The following SLC25A40 variants were observed in gnomAD, a reference collection of about 807,000 sequenced individuals.
SLC25A40 encodes mitochondrial glutathione transporter SLC25A40.
A neutral mutation model predicts 46.5 loss-of-function variants in SLC25A40; 41 were observed. That is an observed-to-expected ratio of 0.88 (90% CI 0.69 to 1.14). The LOEUF is 1.14. Among genes scored for constraint, SLC25A40 ranks in the 50% most tolerant of loss-of-function variants. The pLI is 0.00. For missense variants in SLC25A40, 386 were observed against 393.6 expected (o/e 0.98, Z 0.16); for synonymous variants, 126 against 127.5 (o/e 0.99, Z 0.08).
chr7:87,845,745 A>G (rs752227816), intron 8 of SLC25A40, among the ~76,000 whole-genome samples: 1 of 152,210 alleles, frequency 6.6e-6, no homozygotes, highest in Non-Finnish European at 1.5e-5. Context: ...ATGAATGCCA[A>G]TGAAACAGTG....
intron 10 of SLC25A40, among the ~76,000 whole-genome samples, chr7:87,841,009 CAG>C (rs1838323501): frequency 1.3e-5 from 2 of 151,372 alleles, no homozygotes; most frequent in South Asian, 4.1e-4. Context: ...TAAATGATGA[CAG>C]AGGGATCCTA....
chr7:87,860,260 T>G (rs2131014391), intron 2 of SLC25A40: 1 of 152,280 alleles, frequency 6.6e-6, no homozygotes, highest in Non-Finnish European at 1.5e-5. Context: ...CCAGAAAGCT[T>G]GGATCAATCT....
chr7:87,845,076 C>A lies in SLC25A40; in HGVS notation c.632-1213G>T, dbSNP rs1838391378. Reference sequence around the variant, plus strand: ...AAGGCTACAGTAAGCCGTGACTGTGCCACTGCACTCCAGCCTGGGCAACAG... The same window carrying A: ...AAGGCTACAGTAAGCCGTGACTGTGACACTGCACTCCAGCCTGGGCAACAG... On this transcript the variant is annotated intron_variant, in intron 8 of 11. Transcript: ENST00000341119. 2.0e-5 allele frequency among the ~76,000 whole-genome samples: 3 copies of A among 152,096 alleles called. No individual in the cohort carries two copies. The East Asian group carries it at 5.8e-4, about 29-fold the overall frequency.
At chr7:87,856,482 A>C (rs1838617713) in intron 3 of SLC25A40, 131 bp from the exon 4 acceptor site, 2 of 812,504 alleles carry the variant, frequency 2.5e-6, no homozygotes, top group Non-Finnish European at 4.3e-6. Flanking sequence ...TATTTATCTT[A>C]AAGTAGTCTT....
intron 1 of SLC25A40, among the ~76,000 whole-genome samples, chr7:87,873,428 A>AATTT (rs1838924488): frequency 2.1e-5 from 3 of 142,282 alleles, no homozygotes; most frequent in Admixed American, 6.9e-5. Flanking sequence ...AGAAAGGTTA[A>AATTT]CTTTTTTTTT....
At chr7:87,836,640 C>T in intron 11 of SLC25A40, 90 bp downstream of exon 11, 3 of 739,480 alleles carry the variant, frequency 4.1e-6, no homozygotes, top group Non-Finnish European at 2.1e-6. Flanking sequence ...AGTATGTTAC[C>T]TATAACTTCC....
chr7:87,842,104 C>A, intron 9 of SLC25A40: 1 of 278,250 alleles, frequency 3.6e-6, no homozygotes, highest in Non-Finnish European at 7.2e-6. Flanking sequence ...ATCTAGTGAG[C>A]ATTTAAAAAT....
chr7:87,866,221 G>T (rs1838796401), intron 1 of SLC25A40, among the ~76,000 whole-genome samples: 1 of 152,140 alleles, frequency 6.6e-6, no homozygotes, highest in African/African-American at 2.4e-5. Context: ...CTTGTAAAAT[G>T]GGTATGGTGT....
chr7:87,868,376 A>G (rs1176580722), intron 1 of SLC25A40, among the ~76,000 whole-genome samples: 1 of 152,114 alleles, frequency 6.6e-6, no homozygotes, highest in African/African-American at 2.4e-5. Context: ...CCCTACCTAT[A>G]TGCAGTGGAC....
chr7:87,852,559 G>C (rs553908479), intron 5 of SLC25A40, among the ~76,000 whole-genome samples: 1 of 151,972 alleles, frequency 6.6e-6, no homozygotes, highest in Non-Finnish European at 1.5e-5. Flanking sequence ...ACAGAGCGAG[G>C]CCTTGTCTCA....
chr7:87,841,157 GTGTA>G (rs1226263989), intron 10 of SLC25A40, among the ~76,000 whole-genome samples: 1,988 of 147,448 alleles, frequency 0.013, 49 homozygotes, highest in African/African-American at 0.046. Context: ...GTGTGTGTGT[GTGTA>G]TATATATATA....
chr7:87,860,164 T>G (rs1226362342), intron 2 of SLC25A40: 1 of 152,086 alleles, frequency 6.6e-6, no homozygotes. Context: ...ATTACTGCAC[T>G]CCAGCCTAGG....
At chr7:87,850,776 A>G (rs1430302177) in intron 5 of SLC25A40, among the ~76,000 whole-genome samples, 3 of 152,154 alleles carry the variant, frequency 2.0e-5, no homozygotes, top group Non-Finnish European at 4.4e-5. Flanking sequence ...CTCAAAAAAA[A>G]AAAAGAAAAG....
chr7:87,853,623 C>A (rs973374352), intron 5 of SLC25A40, among the ~76,000 whole-genome samples: 1 of 152,154 alleles, frequency 6.6e-6, no homozygotes, highest in Non-Finnish European at 1.5e-5. Context: ...ATGATTGACA[C>A]ATGCAACAAC....
At chr7:87,868,427 C>G (rs1838840917) in intron 1 of SLC25A40, among the ~76,000 whole-genome samples, 1 of 152,090 alleles carries the variant, frequency 6.6e-6, no homozygotes, top group South Asian at 2.1e-4. Context: ...CTGACACTAC[C>G]TACCTGGAAA....
At position 87,856,364 on chromosome 7, in the gene SLC25A40, G is replaced by A. The variant is rs374842791; in HGVS notation, c.98-13C>T. On this transcript the variant is annotated splice_polypyrimidine_tract_variant and intron_variant, in intron 3 of 11. Coordinates refer to ENST00000341119, the MANE Select transcript of SLC25A40 (RefSeq NM_018843.4). ...TCCAGGGGTGTCACTATGAAGATAT[G>A]TTAAGTTTCAATTAGCGAGTGGTAT... The A allele has an allele frequency of 1.9e-5, 31 of 1,610,000 alleles. No homozygotes were observed. The Middle Eastern group carries it at 6.6e-4, about 34-fold the overall frequency.
At chr7:87,850,045 T>A (rs73200347) in intron 5 of SLC25A40, 97 bp from the exon 6 acceptor site, 157 of 749,836 alleles carry the variant, frequency 2.1e-4, no homozygotes, top group Non-Finnish European at 2.6e-4. Flanking sequence ...CTTTCAGGTA[T>A]TTATATCTAA....
chr7:87,873,468 T>C (rs1240230012), intron 1 of SLC25A40, among the ~76,000 whole-genome samples: 1 of 149,086 alleles, frequency 6.7e-6, no homozygotes, highest in Non-Finnish European at 1.5e-5. Flanking sequence ...AGTCTCGCTC[T>C]GTTGCCCACG....
At chr7:87,863,658 G>T (rs948987135) in intron 1 of SLC25A40, among the ~76,000 whole-genome samples, 7 of 151,422 alleles carry the variant, frequency 4.6e-5, no homozygotes, top group African/African-American at 1.2e-4. Context: ...AGTGTGTCAA[G>T]ATCAAATCAG....
Sources: gnomAD v4.1 joint callset for allele counts (sites outside exome capture counted in the v4.1 genomes callset) on GRCh38, gnomAD v4.1.1 for gene constraint, MANE v1.5 for transcripts, NCBI Gene and HGNC (gene_info 2026-07-23, HGNC 2026-07-21) for gene names.